KY: variants seen among roughly 807,000 people sequenced by gnomAD.
The protein encoded by KY is kyphoscoliosis peptidase.
Under a neutral mutation model 76.1 loss-of-function variants are expected in KY, and 43 were observed. That is an observed-to-expected ratio of 0.57 (90% CI 0.44 to 0.73). The LOEUF (loss-of-function observed/expected upper bound fraction) is 0.73, where lower values mean the gene tolerates loss of function less well. KY is among the 30% of genes least tolerant of loss of function. The pLI is 0.00. For missense variants in KY, 722 were observed against 828.9 expected (o/e 0.87, Z 1.58); for synonymous variants, 277 against 326.2 (o/e 0.85, Z 1.63).
In KY at chr3:134,610,579, C is replaced by T. The variant is rs905978011; in HGVS notation, c.711-196G>A. 7.0e-6 allele frequency: 4 copies of T among 569,586 alleles called. No homozygotes were observed. In the African/African-American group the frequency reaches 7.5e-5, roughly 11 times the overall value. 35.3% of individuals were successfully genotyped at this position (569,586 alleles called of 1,614,324 possible). ...GCACTGGGGACAGGGAGATACAGTG[C>T]TGGCTGGTCCTGTTGGTACAGACTG... is the stretch of plus-strand genomic sequence containing the variant. On this transcript the variant is annotated intron_variant, in intron 8 of 10. Coordinates refer to ENST00000423778, the MANE Select transcript of KY (RefSeq NM_178554.6).
chr3:134,613,828 G>A (rs1349307679), intron 8 of KY, among the ~76,000 whole-genome samples: 2 of 152,100 alleles, frequency 1.3e-5, no homozygotes, highest in South Asian at 2.1e-4. Context: ...TGTATAAGAC[G>A]ATGATTGTGG....
At chr3:134,630,235 C>G (rs1367122410) in intron 3 of KY, among the ~76,000 whole-genome samples, 1 of 152,118 alleles carries the variant, frequency 6.6e-6, no homozygotes, top group Admixed American at 6.5e-5. Context: ...TGTTTTTCCC[C>G]CACTTTATTC....
chr3:134,650,894 G>C lies in KY; in HGVS notation c.67C>G (p.Arg23Gly). ...DMLLIVHSEK[R>G]RAAQGTLSDQ... is the part of the protein sequence containing the mutation. The stretch of plus-strand genomic sequence containing the variant: ...GAGAGCGTACCCTGTGCGGCGCGCC[G>C]CTTCTCCGAGTGCACGATCAGCAGC... Residue 23 changes from arginine (R) to glycine (G), a missense_variant, in exon 1 of 11, where the codon CGG (arginine) becomes GGG (glycine). Arg to Gly is a moderately radical substitution (Grantham distance 125, BLOSUM62 -2). This residue lies in a region of KY where 170 missense variants were observed against 148.1 expected (regional missense o/e 1.15). Transcript: ENST00000423778. The C allele has an allele frequency of 6.2e-7, 1 of 1,613,074 alleles. No homozygotes were observed. The highest frequency in any genetic ancestry group is 8.5e-7 in the Non-Finnish European group (1 of 1,179,468).
rs1007144357 is a variant in KY, at chr3:134,600,188, G to A, written c.*3391C>T. ...GCTGTTAACCCTCTGTTTGCTGCAG[G>A]CAGACCAGGATATCTCAGGAATTAA... On this transcript the variant is annotated 3_prime_UTR_variant, in exon 11 of 11. Coordinates refer to ENST00000423778, the MANE Select transcript of KY (RefSeq NM_178554.6). 6.6e-6 allele frequency among the ~76,000 whole-genome samples: 1 copy of A among 152,184 alleles called. No homozygotes were observed. The highest frequency in any genetic ancestry group is 2.4e-5 in the African/African-American group (1 of 41,448).
chr3:134,605,010 C>T (rs1430740596), intron 10 of KY, among the ~76,000 whole-genome samples: 1 of 152,170 alleles, frequency 6.6e-6, no homozygotes, highest in Admixed American at 6.5e-5. Context: ...CCCTGATCCC[C>T]ACCTCCCCCA....
chr3:134,627,687 G>A, intron 5 of KY, 69 bp downstream of exon 5: 1 of 1,403,928 alleles, frequency 7.1e-7, no homozygotes, highest in East Asian at 2.3e-5. Flanking sequence ...ACTGTCAATT[G>A]GAGATTAGTC....
intron 5 of KY, among the ~76,000 whole-genome samples, chr3:134,625,474 C>A (rs1328209681): frequency 6.6e-6 from 1 of 152,214 alleles, no homozygotes. Context: ...CTTTTTCCCA[C>A]CATTTGGTTT....
rs1178080043 is a variant in KY, at chr3:134,610,360, G to A, written c.734C>T (p.Thr245Ile). ...GAAACCCTTGGAGTAGCCAGGCACG[G>A]TCATACACTGCACTCCGGCGAGCCT... The part of the protein sequence containing the change: ...MCRLAGVQCM[T>I]VPGYSKGFGY... The change falls in exon 9 of 11, where the codon ACC becomes ATC. Residue 245 changes from threonine (T) to isoleucine (I), a missense_variant. Thr to Ile is a moderately conservative substitution (Grantham distance 89). Coordinates refer to ENST00000423778, the MANE Select transcript of KY (RefSeq NM_178554.6). 1 of 1,613,018 alleles carries A rather than the reference G, an allele frequency of 6.2e-7. No homozygotes were observed. Among genetic ancestry groups the A allele is most frequent in the South Asian group, 1.1e-5 (1 of 91,042 alleles).
chr3:134,612,215 C>A (rs1237228522), intron 8 of KY, among the ~76,000 whole-genome samples: 1 of 152,164 alleles, frequency 6.6e-6, no homozygotes, highest in Non-Finnish European at 1.5e-5. Context: ...TAAGAACATA[C>A]CAGCTTGGCT....
intron 3 of KY, among the ~76,000 whole-genome samples, chr3:134,633,009 T>A (rs536217884): frequency 1.3e-5 from 2 of 151,972 alleles, no homozygotes; most frequent in Non-Finnish European, 2.9e-5. Context: ...TTCTACAACT[T>A]AGATGAAATG....
chr3:134,650,874 C>A lies in KY; in HGVS notation c.87G>T (p.Thr29=), dbSNP rs13060869. ...TCGGGTTCGCCTGCTGGTCTGAGAG[C>A]GTACCCTGTGCGGCGCGCCGCTTCT... ...HSEKRRAAQG[T]LSDQQANPSS... Residue 29 remains threonine (T), a synonymous_variant, in exon 1 of 11, where the codon ACG becomes ACT. Coordinates refer to ENST00000423778, the MANE Select transcript of KY (RefSeq NM_178554.6). 0.26 allele frequency: 414,560 copies of A among 1,611,970 alleles called. 56,844 individuals carry two copies. Among genetic ancestry groups the A allele is most frequent in the Non-Finnish European group, 0.29 (341,415 of 1,178,906 alleles).
intron 2 of KY, among the ~76,000 whole-genome samples, chr3:134,645,125 C>A (rs573898569): frequency 5.3e-5 from 8 of 152,294 alleles, no homozygotes; most frequent in African/African-American, 1.7e-4. Context: ...AGCTGTGGGG[C>A]GTCTGTCCCT....
chr3:134,625,451 A>G (rs1963305731), intron 5 of KY, among the ~76,000 whole-genome samples: 1 of 152,258 alleles, frequency 6.6e-6, no homozygotes, highest in Non-Finnish European at 1.5e-5. Context: ...AGACATATTG[A>G]TGATGGAATC....
At chr3:134,607,760 C>T in intron 10 of KY, 1 of 986,140 alleles carries the variant, frequency 1.0e-6, no homozygotes, top group Non-Finnish European at 1.2e-6. Context: ...GAGCACATGT[C>T]AGCCCAGGCC....
chr3:134,647,572 G>T, intron 1 of KY, 75 bp from the exon 2 acceptor site: 1 of 843,030 alleles, frequency 1.2e-6, no homozygotes, highest in Non-Finnish European at 2.0e-6. Context: ...GACTTATCTA[G>T]GTTATGGTAG....
At position 134,610,396 on chromosome 3, in the gene KY, CAG is replaced by C. The variant is rs1560104668; in HGVS notation, c.711-15_711-14del. The C allele has an allele frequency of 6.2e-7, 1 of 1,604,628 alleles. No individual in the cohort carries two copies. The highest frequency in any genetic ancestry group is 1.3e-5 in the African/African-American group (1 of 74,668). ...CACTCCGGCGAGCCTGGGGGCAGGA[CAG>C]GGGGTCTGAGAGGGGGATCCCGCTG... On this transcript the variant is annotated splice_polypyrimidine_tract_variant and intron_variant, in intron 8 of 10. Coordinates refer to ENST00000423778, the MANE Select transcript of KY (RefSeq NM_178554.6).
Position 134,601,805 on chromosome 3 carries a change from G to A in KY, c.*1774C>T, listed in dbSNP as rs1383286443. 1.3e-5 allele frequency among the ~76,000 whole-genome samples: 2 copies of A among 152,264 alleles called. No individual in the cohort carries two copies. Among genetic ancestry groups the A allele is most frequent in the Non-Finnish European group, 2.9e-5 (2 of 68,044 alleles). On this transcript the variant is annotated 3_prime_UTR_variant, in exon 11 of 11. Coordinates refer to ENST00000423778, the MANE Select transcript of KY (RefSeq NM_178554.6). ...GGCTAGGCCACCGTGCTGGGTGGCAGTGGGGACTTTTAGGGGAGGGATCCC... is the reference window on the plus strand; with the variant it reads ...GGCTAGGCCACCGTGCTGGGTGGCAATGGGGACTTTTAGGGGAGGGATCCC...
rs1960131657 is a variant in KY at position 134,610,253 on chromosome 3, C to T, written c.841G>A (p.Val281Met). 6.2e-7 allele frequency: 1 copy of T among 1,613,846 alleles called. No individual in the cohort carries two copies. The highest frequency in any genetic ancestry group is 8.5e-7 in the Non-Finnish European group (1 of 1,179,902). ...AGGCCGCTGCCCCAGGTGCTGTCCA[C>T]CAGGTGCCATCTTCCCTCCAGGTAC... is the stretch of plus-strand genomic sequence containing the variant. ...AVYLEGRWHL[V>M]DSTWGSGLVD... Residue 281 changes from valine (V) to methionine (M), a missense_variant, in exon 9 of 11, where the codon GTG becomes ATG. Coordinates refer to ENST00000423778, the MANE Select transcript of KY (RefSeq NM_178554.6).
At chr3:134,641,909 C>G (rs1340302816) in intron 3 of KY, among the ~76,000 whole-genome samples, 2 of 152,196 alleles carry the variant, frequency 1.3e-5, no homozygotes, top group African/African-American at 4.8e-5. Context: ...CTAATCCACT[C>G]TCATTATAGC....
Sources: gnomAD v4.1 joint callset for allele counts (sites outside exome capture counted in the v4.1 genomes callset) on GRCh38, gnomAD v4.1.1 for gene constraint, gnomAD v4.1.1 regional missense constraint, MANE v1.5 for transcripts, NCBI Gene and HGNC (gene_info 2026-07-23, HGNC 2026-07-21) for gene names.